The following RGMB variants were observed in gnomAD, a reference collection of about 807,000 sequenced individuals.
RGMB encodes repulsive guidance molecule B.
RGMB carries 16 observed loss-of-function variants against 26.9 expected under a neutral mutation model. The observed-to-expected ratio is 0.60, with a 90% CI of 0.40 to 0.90. RGMB has a LOEUF of 0.90. Among genes scored for constraint, RGMB ranks in the 40% least tolerant of loss-of-function variants. The probability of loss-of-function intolerance (pLI) is 0.00; values close to 1 mark genes in which losing one functional copy is unlikely to be tolerated. For missense variants in RGMB, 512 were observed against 573.3 expected (o/e 0.89, Z 1.09); for synonymous variants, 225 against 229.3 (o/e 0.98, Z 0.17).
At chr5:98,786,898 TAAGAGTTGGAGCCAA>T (rs1746781105) in intron 2 of RGMB, among the ~76,000 whole-genome samples, 2 of 152,158 alleles carry the variant, frequency 1.3e-5, no homozygotes, top group Non-Finnish European at 2.9e-5. Context: ...CTGTTTACTT[TAAGAGTTGGAGCCAA>T]AAGAACATGG....
In RGMB at chr5:98,796,325, T is replaced by C. The variant is rs562174753; in HGVS notation, c.*2572T>C. The C allele has an allele frequency of 7.4e-6, 1 of 135,264 alleles. No homozygotes were observed. The highest frequency in any genetic ancestry group is 1.5e-5 in the Non-Finnish European group (1 of 64,976). 8.4% of individuals were successfully genotyped at this position (135,264 alleles called of 1,614,324 possible). A position where few individuals can be genotyped will look rare whatever the true frequency, so the allele number is the denominator to read the frequency against. ...AAACTTTTTTTTGTCCTCTTTGTTA[T>C]GCTTGGAAGCTCCCCCCCCCCCAAC... On this transcript the variant is annotated 3_prime_UTR_variant, in exon 3 of 3. Coordinates refer to ENST00000513185, the MANE Select transcript of RGMB (RefSeq NM_001366508.1).
intron 1 of RGMB, 121 bp downstream of exon 1, chr5:98,774,327 T>C (rs2112336249): frequency 9.6e-7 from 1 of 1,038,452 alleles, no homozygotes; most frequent in Non-Finnish European, 1.3e-6. Context: ...GGGAAAGGCC[T>C]CCCGAGCCCC....
chr5:98,774,078 T>C lies in RGMB; in HGVS notation c.8T>C (p.Leu3Ser). MG[L>S]RAAPSSAAAA... ...AGACCTGCATGGACGGGCATGGGCT[T>C]GAGAGCAGCACCTTCCAGCGCCGCC... is the stretch of plus-strand genomic sequence containing the variant. The change falls in exon 1 of 3, where the codon TTG (leucine) becomes TCG (serine). Residue 3 changes from leucine to serine, a missense_variant. Transcript: ENST00000513185. 1 of 1,067,272 alleles carries C rather than the reference T, an allele frequency of 9.4e-7. No individual in the cohort carries two copies. Among genetic ancestry groups the C allele is most frequent in the South Asian group, 1.4e-5 (1 of 72,426 alleles). 66.1% of individuals were successfully genotyped at this position (1,067,272 alleles called of 1,614,324 possible).
At chr5:98,782,388 G>A (rs1397575124) in intron 2 of RGMB, among the ~76,000 whole-genome samples, 1 of 152,044 alleles carries the variant, frequency 6.6e-6, no homozygotes, top group Admixed American at 6.5e-5. Context: ...AACAATAAGA[G>A]GCATAAAAGT....
intron 1 of RGMB, among the ~76,000 whole-genome samples, chr5:98,778,573 G>C (rs1329416086): frequency 5.3e-5 from 8 of 152,090 alleles, no homozygotes; most frequent in Non-Finnish European, 1.0e-4. Context: ...TGATGACAAA[G>C]AACAGTGTCT....
rs199764525 is a variant in RGMB at position 98,779,838 on chromosome 5, C to G, written c.395C>G (p.Pro132Arg). 86 of 1,614,024 alleles carry G rather than the reference C, an allele frequency of 5.3e-5. No homozygotes were observed. The highest frequency in any genetic ancestry group is 6.4e-5 in the Non-Finnish European group (76 of 1,179,900). ...SKDGPTSSTN[P>R]EVTHDPCNYH... Reference sequence around the variant, plus strand: ...GATGGACCCACATCCTCTACCAACCCCGAAGTGACCCATGATCCTTGCAAC... The same window carrying G: ...GATGGACCCACATCCTCTACCAACCGCGAAGTGACCCATGATCCTTGCAAC... The change falls in exon 2 of 3, where the codon CCC (proline) becomes CGC (arginine). Residue 132 changes from proline to arginine, a missense_variant. Transcript: ENST00000513185.
rs1401788210 is a variant in RGMB, at chr5:98,774,066, C to T, written c.-5C>T. The stretch of plus-strand genomic sequence containing the variant: ...CCGGAGCCCACGAGACCTGCATGGA[C>T]GGGCATGGGCTTGAGAGCAGCACCT... On this transcript the variant is annotated 5_prime_UTR_variant, in exon 1 of 3. In the 5' UTR this introduces an upstream ATG that the reference lacks. Transcript: ENST00000513185. The T allele has an allele frequency of 2.0e-5, 19 of 943,634 alleles. No individual in the cohort carries two copies. The highest frequency in any genetic ancestry group is 1.2e-4 in the Admixed American group (5 of 42,962). 58.5% of individuals were successfully genotyped at this position (943,634 alleles called of 1,614,324 possible).
intron 2 of RGMB, chr5:98,792,854 T>G: frequency 2.7e-6 from 1 of 366,514 alleles, no homozygotes; most frequent in South Asian, 8.1e-5. Context: ...AGTAAAAAAG[T>G]TTTGTCTTGA....
At chr5:98,769,595 G>T (rs1746085508), upstream of RGMB, 1 of 152,528 alleles carries the variant, frequency 6.6e-6, no homozygotes, top group Non-Finnish European at 1.5e-5. Flanking sequence ...CAGCTGGCAA[G>T]CGTCGCGCTG....
At chr5:98,788,676 C>A (rs1024570273) in intron 2 of RGMB, among the ~76,000 whole-genome samples, 1 of 152,158 alleles carries the variant, frequency 6.6e-6, no homozygotes, top group Non-Finnish European at 1.5e-5. Context: ...TCAGAATTAC[C>A]CTGGCGGGTA....
At chr5:98,771,583 CA>C (rs2112326949), upstream of RGMB, 2 of 152,268 alleles carry the variant, frequency 1.3e-5, no homozygotes, top group Admixed American at 1.3e-4. Context: ...ACTTATGCAG[CA>C]ATAAAAAGTG....
At chr5:98,785,224 G>A (rs1746736423) in intron 2 of RGMB, among the ~76,000 whole-genome samples, 2 of 152,126 alleles carry the variant, frequency 1.3e-5, no homozygotes, top group South Asian at 4.1e-4. Context: ...GAAACAGAAG[G>A]TACTAAAGGG....
chr5:98,793,494 A>T lies in RGMB; in HGVS notation c.1055A>T (p.Glu352Val), dbSNP rs570060657. The stretch of plus-strand genomic sequence containing the variant: ...CAGGCCTGGCCTGGCTACACACTGG[A>T]GACTGCCAACACTCAATGCCATGAG... ...LVQAWPGYTLETANTQCHEKM... is the reference protein window; with the variant it reads ...LVQAWPGYTLVTANTQCHEKM... The change falls in exon 3 of 3, where the codon GAG (glutamate) becomes GTG (valine). Residue 352 changes from glutamate (E) to valine (V), a missense_variant. Glu to Val is a moderately radical substitution (Grantham distance 121). Transcript: ENST00000513185. The T allele has an allele frequency of 3.1e-5, 50 of 1,613,538 alleles. 1 individual carries two copies. In the South Asian group the frequency reaches 5.2e-4, roughly 17 times the overall value.
At chr5:98,776,923 C>G (rs1255430590) in intron 1 of RGMB, among the ~76,000 whole-genome samples, 1 of 152,120 alleles carries the variant, frequency 6.6e-6, no homozygotes, top group African/African-American at 2.4e-5. Context: ...CCTGTCTCTA[C>G]TAAAAATACA....
chr5:98,771,964 C>A (rs752091296), upstream of RGMB, among the ~76,000 whole-genome samples: 9 of 152,198 alleles, frequency 5.9e-5, no homozygotes, highest in Middle Eastern at 6.8e-3. Context: ...TCTTTGTTAG[C>A]CAAATACTTT....
chr5:98,772,141 T>A (rs989809151), upstream of RGMB, among the ~76,000 whole-genome samples: 2 of 152,208 alleles, frequency 1.3e-5, no homozygotes, highest in Non-Finnish European at 2.9e-5. Flanking sequence ...AAAAGTCATT[T>A]CTCCAGGCAA....
rs1489209883 is a variant in RGMB, at chr5:98,777,438, T to G, written c.137-2142T>G. On this transcript the variant is annotated intron_variant, in intron 1 of 2. Coordinates refer to ENST00000513185, the MANE Select transcript of RGMB (RefSeq NM_001366508.1). ...AAAAGAAAAAAAATGCAATAGCTAC[T>G]TAAGTCTTTTTTTCAGCCATCAAGT... is the stretch of plus-strand genomic sequence containing the variant. Among the ~76,000 whole-genome samples, 5 of 152,216 alleles carry G rather than the reference T, an allele frequency of 3.3e-5. No individual in the cohort carries two copies. The East Asian group carries it at 9.6e-4, about 29-fold the overall frequency.
chr5:98,774,464 C>T (rs1033023272), intron 1 of RGMB, among the ~76,000 whole-genome samples: 1 of 152,212 alleles, frequency 6.6e-6, no homozygotes, highest in Non-Finnish European at 1.5e-5. Context: ...CAAATCTCCC[C>T]TCCGACAGCC....
chr5:98,774,233 CAGCCCCGGGGCCT>C, intron 1 of RGMB, 27 bp downstream of exon 1: 1 of 1,392,850 alleles, frequency 7.2e-7, no homozygotes, highest in Non-Finnish European at 9.3e-7. Flanking sequence ...CGAGGGGAGC[CAGCCCCGGGGCCT>C]AGGGCTTTGT....
Sources: allele counts gnomAD v4.1 joint callset (sites outside exome capture counted in the v4.1 genomes callset), GRCh38; gene constraint gnomAD v4.1.1; transcripts MANE v1.5; gene names NCBI Gene and HGNC (gene_info 2026-07-23, HGNC 2026-07-21).